Variants in TRDN observed in about 807,000 individuals in gnomAD.
The protein encoded by TRDN is triadin.
A neutral mutation model predicts 149.7 loss-of-function variants in TRDN; 161 were observed. That is an observed-to-expected ratio of 1.08 (90% CI 0.95 to 1.23). TRDN has a LOEUF of 1.23. Ranked by LOEUF, TRDN falls within the 50% of genes most tolerant of loss-of-function variation. The pLI, the probability that TRDN is intolerant of heterozygous loss-of-function variation, is 0.00. For synonymous variants in TRDN, 294 were observed against 250.5 expected (o/e 1.17, Z -1.64); for missense variants, 896 against 823.5 (o/e 1.09, Z -1.08).
At chr6:123,494,338 C>A (rs894321048) in intron 9 of TRDN, among the ~76,000 whole-genome samples, 1 of 152,098 alleles carries the variant, frequency 6.6e-6, no homozygotes, top group Non-Finnish European at 1.5e-5. Flanking sequence ...TTCCTTCTAA[C>A]CTTACTCTGT....
At chr6:123,279,118 C>G (rs749782529) in intron 24 of TRDN, 36 bp from the exon 25 acceptor site, 17 of 1,543,034 alleles carry the variant, frequency 1.1e-5, no homozygotes, top group Non-Finnish European at 1.4e-5. Flanking sequence ...AAGGCTGAGT[C>G]ATACAATTCT....
intron 12 of TRDN, among the ~76,000 whole-genome samples, chr6:123,425,698 G>C (rs535632095): frequency 6.6e-6 from 1 of 152,172 alleles, no homozygotes; most frequent in Non-Finnish European, 1.5e-5. Flanking sequence ...GTAATGTGGA[G>C]AGTTGACAAG....
chr6:123,636,681 C>G (rs1018532791), intron 1 of TRDN, 73 bp downstream of exon 1: 4 of 1,547,390 alleles, frequency 2.6e-6, no homozygotes, highest in East Asian at 2.3e-5. Flanking sequence ...ATGGACACAT[C>G]GACAGTTAAT....
chr6:123,365,203 T>A (rs1228966683), intron 20 of TRDN, among the ~76,000 whole-genome samples: 2 of 152,214 alleles, frequency 1.3e-5, no homozygotes, highest in Non-Finnish European at 2.9e-5. Context: ...TAATTGCTTC[T>A]AATTATTGCC....
At chr6:123,613,215 T>G (rs1026915205) in intron 1 of TRDN, among the ~76,000 whole-genome samples, 1 of 152,320 alleles carries the variant, frequency 6.6e-6, no homozygotes, top group African/African-American at 2.4e-5. Context: ...GACTCATGAT[T>G]TGGGAATGGT....
chr6:123,483,528 C>G (rs1777857333), intron 9 of TRDN, among the ~76,000 whole-genome samples: 1 of 152,052 alleles, frequency 6.6e-6, no homozygotes, highest in Non-Finnish European at 1.5e-5. Context: ...ATAATAACAA[C>G]CACAATAAAG....
intron 9 of TRDN, among the ~76,000 whole-genome samples, chr6:123,468,496 T>C (rs1477588301): frequency 2.0e-5 from 3 of 152,172 alleles, no homozygotes; most frequent in African/African-American, 7.2e-5. Context: ...GTTTTTGATT[T>C]AGTCAAATTC....
At chr6:123,254,265 T>G (rs1405648013) in intron 37 of TRDN, among the ~76,000 whole-genome samples, 2 of 152,106 alleles carry the variant, frequency 1.3e-5, no homozygotes, top group African/African-American at 2.4e-5. Flanking sequence ...ATTGAAAGTT[T>G]TACCTCTTAA....
intron 1 of TRDN, among the ~76,000 whole-genome samples, chr6:123,575,229 G>A (rs1782793867): frequency 6.6e-6 from 1 of 151,710 alleles, no homozygotes; most frequent in Non-Finnish European, 1.5e-5. Flanking sequence ...GTAATCTGAA[G>A]GTCATCCTTC....
intron 13 of TRDN, 122 bp downstream of exon 13, chr6:123,393,502 A>T (rs923129680): frequency 3.5e-5 from 29 of 835,788 alleles, no homozygotes; most frequent in Non-Finnish European, 5.1e-5. Flanking sequence ...ATTCAACAAT[A>T]TTTTTTTTGC....
chr6:123,354,725 A>T (rs1780593512), intron 20 of TRDN, among the ~76,000 whole-genome samples: 1 of 151,678 alleles, frequency 6.6e-6, no homozygotes, highest in African/African-American at 2.4e-5. Context: ...ATCTAATTGA[A>T]CTTATAAAAT....
At chr6:123,328,423 T>C (rs941675323) in intron 23 of TRDN, among the ~76,000 whole-genome samples, 9 of 152,206 alleles carry the variant, frequency 5.9e-5, no homozygotes, top group African/African-American at 1.9e-4. Context: ...TTTTTTCATA[T>C]GATTTGGAAT....
At chr6:123,370,281 C>T (rs1459166442) in intron 19 of TRDN, among the ~76,000 whole-genome samples, 1 of 151,574 alleles carries the variant, frequency 6.6e-6, no homozygotes, top group Admixed American at 6.6e-5. Context: ...GTTTTTATTA[C>T]ATGTATTTGT....
chr6:123,447,945 C>A (rs879702984), intron 10 of TRDN, among the ~76,000 whole-genome samples: 2 of 152,042 alleles, frequency 1.3e-5, no homozygotes, highest in South Asian at 4.2e-4. Flanking sequence ...GAAAGGGAGA[C>A]CCTCTTCTCC....
At chr6:123,447,741 C>T (rs1775475924) in intron 10 of TRDN, among the ~76,000 whole-genome samples, 1 of 150,484 alleles carries the variant, frequency 6.6e-6, no homozygotes, top group African/African-American at 2.5e-5. Flanking sequence ...CCACTGCACT[C>T]TAGTCTGGGC....
At chr6:123,571,693 A>G (rs1238950215) in intron 1 of TRDN, among the ~76,000 whole-genome samples, 1 of 152,140 alleles carries the variant, frequency 6.6e-6, no homozygotes, top group African/African-American at 2.4e-5. Flanking sequence ...AGAAATAACC[A>G]CTGTTAATAT....
At chr6:123,330,673 A>C (rs1031145409) in intron 23 of TRDN, among the ~76,000 whole-genome samples, 1 of 152,082 alleles carries the variant, frequency 6.6e-6, no homozygotes, top group Non-Finnish European at 1.5e-5. Flanking sequence ...GGCTGAGAAA[A>C]AAAATCATGT....
chr6:123,527,478 G>T (rs12192602), intron 5 of TRDN, among the ~76,000 whole-genome samples: 86,067 of 151,598 alleles, frequency 0.57, 25,281 homozygotes, highest in Non-Finnish European at 0.65. Flanking sequence ...ATTATATTCC[G>T]CAAGATCATT....
chr6:123,379,898 A>C (rs1781649459), intron 16 of TRDN, among the ~76,000 whole-genome samples: 2 of 152,160 alleles, frequency 1.3e-5, no homozygotes, highest in Admixed American at 1.3e-4. Flanking sequence ...ACCATAATTA[A>C]AAATATCTGA....
Sources: allele counts gnomAD v4.1 joint callset (sites outside exome capture counted in the v4.1 genomes callset), GRCh38; gene constraint gnomAD v4.1.1; transcripts MANE v1.5; gene names NCBI Gene and HGNC (gene_info 2026-07-23, HGNC 2026-07-21).